Variants in TBKBP1 observed in about 807,000 individuals in gnomAD.
TBKBP1 encodes TBK1 binding protein 1.
TBKBP1 carries 47 observed loss-of-function variants against 69.9 expected under a neutral mutation model. That is an observed-to-expected ratio of 0.67 (90% CI 0.53 to 0.86). The LOEUF is 0.86. TBKBP1 is among the 40% of genes least tolerant of loss of function. The probability of loss-of-function intolerance (pLI) is 0.00; values close to 1 mark genes in which losing one functional copy is unlikely to be tolerated. For synonymous variants in TBKBP1, 418 were observed against 390.3 expected (o/e 1.07, Z -0.84); for missense variants, 831 against 858.6 (o/e 0.97, Z 0.40).
chr17:47,708,757 TCCCCGGCCCCCCAGTG>T lies in TBKBP1; in HGVS notation c.1029_1044del (p.Ala344ProfsTer104). The stretch of plus-strand genomic sequence containing the variant: ...GCACTCGCCGCTGTCACAACGCCAC[TCCCCGGCCCCCCAGTG>T]CCCCTCCCCCTCCCCGCCTGCCCGA... On this transcript the variant is annotated frameshift_variant, in exon 9 of 10. Coordinates refer to ENST00000578982, the MANE Select transcript of TBKBP1 (RefSeq NM_001394755.1). LOFTEE classifies it high-confidence loss of function. This position sits in a 1 kb window ranked among gnomAD's most constrained non-coding sequence, Gnocchi z 4.4. 1 of 1,299,398 alleles carries T rather than the reference TCCCCGGCCCCCCAGTG, an allele frequency of 7.7e-7. No individual in the cohort carries two copies. Among genetic ancestry groups the T allele is most frequent in the Non-Finnish European group, 1.0e-6 (1 of 997,180 alleles). The allele number at this position is 1,299,398 out of a possible 1,614,324, so 80.5% of individuals were successfully genotyped here.
Position 47,708,325 on chromosome 17 carries a change from T to A in TBKBP1, c.873-69T>A. Reference sequence around the variant, plus strand: ...GGGCCAGATGCTGGGGTAGAGCCAGTTCTTCCTCCACAGCTGGGACGGTAG... The same window carrying A: ...GGGCCAGATGCTGGGGTAGAGCCAGATCTTCCTCCACAGCTGGGACGGTAG... On this transcript the variant is annotated intron_variant, in intron 7 of 9. Transcript: ENST00000578982. This position sits in a 1 kb window ranked among gnomAD's most constrained non-coding sequence, Gnocchi z 4.4. The A allele has an allele frequency of 6.5e-6, 10 of 1,537,596 alleles. No individual in the cohort carries two copies. Among genetic ancestry groups the A allele is most frequent in the Non-Finnish European group, 8.1e-6 (9 of 1,117,934 alleles).
chr17:47,708,836 C>A lies in TBKBP1; in HGVS notation c.1103C>A (p.Pro368His). The change falls in exon 9 of 10, where the codon CCC becomes CAC. Residue 368 changes from proline (P) to histidine (H), a missense_variant. By Grantham distance (77) the Pro-to-His change is moderately conservative. Transcript: ENST00000578982. This position sits in a 1 kb window ranked among gnomAD's most constrained non-coding sequence, Gnocchi z 4.4. ...PPCPPCQSPV[P>H]QRRSPVPPCP... ...TGCCCCCCGTGCCAGTCCCCCGTCC[C>A]CCAGCGCCGCTCTCCCGTGCCCCCG... 2 of 1,425,964 alleles carry A rather than the reference C, an allele frequency of 1.4e-6. No homozygotes were observed. The highest frequency in any genetic ancestry group is 1.8e-6 in the Non-Finnish European group (2 of 1,091,444). 88.3% of individuals were successfully genotyped at this position (1,425,964 alleles called of 1,614,324 possible).
chr17:47,708,751 CGCCACTCCCCGGCCCCCCAGT>C lies in TBKBP1; in HGVS notation c.1022_1042del (p.His341_Cys347del). 6.8e-7 allele frequency: 1 copy of C among 1,474,030 alleles called. No homozygotes were observed. Among genetic ancestry groups the C allele is most frequent in the Non-Finnish European group, 9.0e-7 (1 of 1,110,612 alleles). The allele number at this position is 1,474,030 out of a possible 1,614,324, so 91.3% of individuals were successfully genotyped here. ...CCAGAGGCACTCGCCGCTGTCACAA[CGCCACTCCCCGGCCCCCCAGT>C]GCCCCTCCCCCTCCCCGCCTGCCCG... is the stretch of plus-strand genomic sequence containing the variant. On this transcript the variant is annotated inframe_deletion, in exon 9 of 10. Coordinates refer to ENST00000578982, the MANE Select transcript of TBKBP1 (RefSeq NM_001394755.1). This position sits in a 1 kb window ranked among gnomAD's most constrained non-coding sequence, Gnocchi z 4.4.
At chr17:47,694,239 C>T (rs1385407398) in intron 1 of TBKBP1, 45 bp downstream of exon 1, 1 of 145,830 alleles carries the variant, frequency 6.9e-6, no homozygotes, top group Non-Finnish European at 1.5e-5. Context: ...GGAGCGGCGC[C>T]CGGGCTGGGC....
At chr17:47,703,277 C>T (rs891988188) in intron 7 of TBKBP1, among the ~76,000 whole-genome samples, 3 of 152,156 alleles carry the variant, frequency 2.0e-5, no homozygotes, top group South Asian at 2.1e-4. Flanking sequence ...AGTGTGAACT[C>T]GAGAGAGAGG....
At position 47,712,042 on chromosome 17, in the gene TBKBP1, T is replaced by TA. The variant is rs1322544704; in HGVS notation, c.*1417dup. The TA allele has an allele frequency of 6.6e-6, 1 of 152,452 alleles. No individual in the cohort carries two copies. Among genetic ancestry groups the TA allele is most frequent in the African/African-American group, 2.4e-5 (1 of 41,526 alleles). 9.4% of individuals were successfully genotyped at this position (152,452 alleles called of 1,614,324 possible). A position where few individuals can be genotyped will look rare whatever the true frequency, so the allele number is the denominator to read the frequency against. ...ACAAGTTGAAAGTCCAAATAAAACT[T>TA]ACCTGTTCCATCTGTGCTCAATCTG... On this transcript the variant is annotated 3_prime_UTR_variant, in exon 10 of 10. Transcript: ENST00000578982.
Position 47,699,458 on chromosome 17 carries a change from A to AG in TBKBP1, c.778dup (p.Glu260GlyfsTer31). On this transcript the variant is annotated frameshift_variant, in exon 6 of 10. Coordinates refer to ENST00000578982, the MANE Select transcript of TBKBP1 (RefSeq NM_001394755.1). LOFTEE classifies it high-confidence loss of function. ...CTCCAGGCCGAGTGCGAGCGGCTGC[A>AG]GGGGGAGCTGAAGCAGCTGCAGGAG... 1 of 1,572,782 alleles carries AG rather than the reference A, an allele frequency of 6.4e-7. No individual in the cohort carries two copies. Among genetic ancestry groups the AG allele is most frequent in the Non-Finnish European group, 8.6e-7 (1 of 1,160,318 alleles).
At chr17:47,695,246 ACATT>A (rs1193861793) in intron 1 of TBKBP1, 2 of 153,040 alleles carry the variant, frequency 1.3e-5, no homozygotes, top group African/African-American at 4.8e-5. Flanking sequence ...CCCCAGACAC[ACATT>A]CATAACCAGG....
At chr17:47,699,045 G>C (rs574744974) in intron 5 of TBKBP1, among the ~76,000 whole-genome samples, 5 of 152,210 alleles carry the variant, frequency 3.3e-5, no homozygotes, top group African/African-American at 1.2e-4. Context: ...CCCGTCTCTG[G>C]CTGTGACTAG....
chr17:47,700,255 C>A (rs1462418679), intron 7 of TBKBP1, among the ~76,000 whole-genome samples: 2 of 136,152 alleles, frequency 1.5e-5, no homozygotes, highest in East Asian at 2.4e-4. Context: ...TCCCAAAGTG[C>A]TGGGATTATA....
intron 7 of TBKBP1, among the ~76,000 whole-genome samples, chr17:47,700,839 C>T (rs970679038): frequency 2.6e-5 from 4 of 152,114 alleles, no homozygotes; most frequent in Admixed American, 2.6e-4. Context: ...CAGGGGGGCA[C>T]TGGACAGCAA....
Position 47,710,713 on chromosome 17 carries a change from G to C in TBKBP1, c.*87G>C. On this transcript the variant is annotated 3_prime_UTR_variant, in exon 10 of 10. Transcript: ENST00000578982. ...TTGAATGCTGCATGAATCTCGTGGG[G>C]GGTCCCTGCCCTTGCGACCCCCAGA... The C allele has an allele frequency of 3.3e-6, 5 of 1,522,842 alleles. No homozygotes were observed. Among genetic ancestry groups the C allele is most frequent in the Non-Finnish European group, 4.4e-6 (5 of 1,125,870 alleles). The allele number at this position is 1,522,842 out of a possible 1,614,324, so 94.3% of individuals were successfully genotyped here. A position where few individuals can be genotyped will look rare whatever the true frequency, so the allele number is the denominator to read the frequency against.
chr17:47,710,103 A>G (rs1249841098), intron 9 of TBKBP1, among the ~76,000 whole-genome samples: 1 of 152,222 alleles, frequency 6.6e-6, no homozygotes, highest in Non-Finnish European at 1.5e-5. Context: ...AGAGCCACCC[A>G]TTGTAACCTG....
intron 2 of TBKBP1, 146 bp from the exon 3 acceptor site, chr17:47,696,565 C>A: frequency 7.5e-7 from 1 of 1,340,646 alleles, no homozygotes. Context: ...GAGATGGCTA[C>A]AGACCCATGG....
At position 47,709,295 on chromosome 17, in the gene TBKBP1, CGGA is replaced by C. The variant is rs779769235; in HGVS notation, c.1569_1571del (p.Glu523del). The C allele has an allele frequency of 3.9e-6, 6 of 1,528,118 alleles. No individual in the cohort carries two copies. Among genetic ancestry groups the C allele is most frequent in the African/African-American group, 2.8e-5 (2 of 71,074 alleles). The allele number at this position is 1,528,118 out of a possible 1,614,324, so 94.7% of individuals were successfully genotyped here. A position where few individuals can be genotyped will look rare whatever the true frequency, so the allele number is the denominator to read the frequency against. On this transcript the variant is annotated inframe_deletion, in exon 9 of 10. Coordinates refer to ENST00000578982, the MANE Select transcript of TBKBP1 (RefSeq NM_001394755.1). Reference sequence around the variant, plus strand: ...CGGCTGCGCTTCGAGAAGCAGCCGTCGGAGGAGGACGAGTGGGCTGTGCCCACC... The same window carrying C: ...CGGCTGCGCTTCGAGAAGCAGCCGTCGGAGGACGAGTGGGCTGTGCCCACC...
chr17:47,699,406 C>CG lies in TBKBP1; in HGVS notation c.727dup (p.Ala243GlyfsTer48), dbSNP rs756336411. ...TTTGGAGGCCGCGCAGGGAGAGGCC[C>CG]GGGGGGCTCAGCTCCGGGAGGAGCA... On this transcript the variant is annotated frameshift_variant, in exon 6 of 10. Transcript: ENST00000578982. LOFTEE classifies it high-confidence loss of function. 1.3e-5 allele frequency: 20 copies of CG among 1,566,574 alleles called. No homozygotes were observed. The highest frequency in any genetic ancestry group is 1.4e-5 in the Non-Finnish European group (16 of 1,160,238).
chr17:47,694,893 G>C (rs1041508436), intron 1 of TBKBP1, among the ~76,000 whole-genome samples: 1 of 151,286 alleles, frequency 6.6e-6, no homozygotes, highest in South Asian at 2.1e-4. Context: ...GGCGGAGGGG[G>C]GGGGGTGGAT....
rs972347421 is a variant in TBKBP1 at position 47,708,001 on chromosome 17, C to T, written c.873-393C>T. ...AATTCAGTACAGCTTTTTGATGAAT[C>T]GGTGCTTTAATTCATCATCACAGCT... On this transcript the variant is annotated intron_variant, in intron 7 of 9. Coordinates refer to ENST00000578982, the MANE Select transcript of TBKBP1 (RefSeq NM_001394755.1). This position sits in a 1 kb window ranked among gnomAD's most constrained non-coding sequence, Gnocchi z 4.4. Among the ~76,000 whole-genome samples the T allele has an allele frequency of 6.6e-6, 1 of 152,170 alleles. No homozygotes were observed.
In TBKBP1 at chr17:47,699,429, G is replaced by A. The variant is rs1334702145; in HGVS notation, c.744G>A (p.Glu248=). The change falls in exon 6 of 10, where the codon GAG becomes GAA. Residue 248 remains glutamate (E), a synonymous_variant. Transcript: ENST00000578982. The part of the protein sequence containing the change: ...GEARGAQLRE[E]QLQAECERLQ... ...CCCGGGGGGCTCAGCTCCGGGAGGA[G>A]CAGCTCCAGGCCGAGTGCGAGCGGC... 1.3e-6 allele frequency: 2 copies of A among 1,568,014 alleles called. No individual in the cohort carries two copies. The highest frequency in any genetic ancestry group is 8.6e-7 in the Non-Finnish European group (1 of 1,160,136).
Sources: allele counts gnomAD v4.1 joint callset (sites outside exome capture counted in the v4.1 genomes callset), GRCh38; gene constraint gnomAD v4.1.1; non-coding constraint Gnocchi (gnomAD v3.1); transcripts MANE v1.5; gene names NCBI Gene and HGNC (gene_info 2026-07-23, HGNC 2026-07-21).